Variants in CDH2 observed in about 807,000 individuals in gnomAD.
CDH2 encodes the protein cadherin-2.
A neutral mutation model predicts 92.0 loss-of-function variants in CDH2; 17 were observed. The ratio of observed to expected loss-of-function variants is 0.18; its 90% CI spans 0.13 to 0.28. CDH2 has a LOEUF of 0.28. CDH2 is among the 10% of genes least tolerant of loss of function. The pLI, the probability that CDH2 is intolerant of heterozygous loss-of-function variation, is 1.00. For synonymous variants in CDH2, 419 were observed against 415.9 expected, an observed-to-expected ratio of 1.01 and a Z score of -0.09; for missense variants, 862 against 1,133.1, an observed-to-expected ratio of 0.76 and a Z score of 3.44.
At chr18:28,043,188 T>A (rs2013982959) in intron 2 of CDH2, among the ~76,000 whole-genome samples, 1 of 151,908 alleles carries the variant, frequency 6.6e-6, no homozygotes, top group Non-Finnish European at 1.5e-5. Context: ...CTAAGTGAGG[T>A]AACTCAGGAA....
rs115647775 is a variant in CDH2 at position 27,972,213 on chromosome 18, G to A, written c.2350-8692C>T. Among the ~76,000 whole-genome samples, 1,070 of 152,008 alleles carry A rather than the reference G, an allele frequency of 7.0e-3. 12 individuals are homozygous for A. The highest frequency in any genetic ancestry group is 0.024 in the African/African-American group (1,013 of 41,462). ...GATTGCTTCTCCAGATTTTAACTTT[G>A]TTAATGTCAAAATGGGTCCAATTCT... On this transcript the variant is annotated intron_variant, in intron 14 of 15. Coordinates refer to ENST00000269141, the MANE Select transcript of CDH2 (RefSeq NM_001792.5).
At chr18:28,098,955 T>C (rs185176300) in intron 2 of CDH2, among the ~76,000 whole-genome samples, 24 of 152,268 alleles carry the variant, frequency 1.6e-4, no homozygotes, top group African/African-American at 5.3e-4. Flanking sequence ...GAAGAGTGAC[T>C]GTATATATAC....
rs184767013 is a variant in CDH2, at chr18:28,081,403, T to A, written c.172+66270A>T. ...TTGAAAGCCTGAGAAAATCCATTTTTAAAAAAACAGACTGATAGCTAGACA... is the reference window on the plus strand; with the variant it reads ...TTGAAAGCCTGAGAAAATCCATTTTAAAAAAAACAGACTGATAGCTAGACA... On this transcript the variant is annotated intron_variant, in intron 2 of 15. Coordinates refer to ENST00000269141, the MANE Select transcript of CDH2 (RefSeq NM_001792.5). Among the ~76,000 whole-genome samples the A allele has an allele frequency of 9.1e-4, 139 of 152,196 alleles. 4 individuals carry two copies. The East Asian group carries it at 0.022, about 24-fold the overall frequency.
At chr18:27,990,068 AC>A (rs774875939) in intron 10 of CDH2, 28 bp downstream of exon 10, 42 of 1,604,076 alleles carry the variant, frequency 2.6e-5, no homozygotes, top group Non-Finnish European at 3.5e-5. Context: ...TAAGTAAGCT[AC>A]AAAAACACTA....
intron 2 of CDH2, among the ~76,000 whole-genome samples, chr18:28,026,650 A>G (rs1279244344): frequency 1.3e-5 from 2 of 152,176 alleles, no homozygotes; most frequent in South Asian, 4.1e-4. Context: ...GCTGTCCAAC[A>G]GAAAAACAAT....
At chr18:28,040,192 C>G (rs2013922200) in intron 2 of CDH2, among the ~76,000 whole-genome samples, 1 of 152,116 alleles carries the variant, frequency 6.6e-6, no homozygotes. Flanking sequence ...GGGGTCCTAA[C>G]CACTCACTTT....
intron 2 of CDH2, among the ~76,000 whole-genome samples, chr18:28,047,174 G>A (rs1055580965): frequency 2.6e-5 from 4 of 152,078 alleles, no homozygotes; most frequent in African/African-American, 9.7e-5. Context: ...TAGCTGTAGA[G>A]AAGCAACTAA....
intron 2 of CDH2, among the ~76,000 whole-genome samples, chr18:28,135,676 A>G (rs2015849875): frequency 6.6e-6 from 1 of 152,262 alleles, no homozygotes; most frequent in Non-Finnish European, 1.5e-5. Flanking sequence ...ATGCCATACC[A>G]GATCTCAGTG....
chr18:27,941,295 A>G (rs1909134669), intron 6 of CDH2, among the ~76,000 whole-genome samples: 2 of 152,074 alleles, frequency 1.3e-5, no homozygotes, highest in African/African-American at 4.8e-5. Context: ...TCGGCCTCCT[A>G]AAGTGCTGGG....
At chr18:28,158,962 A>C (rs2016263991) in intron 1 of CDH2, among the ~76,000 whole-genome samples, 1 of 152,348 alleles carries the variant, frequency 6.6e-6, no homozygotes, top group Middle Eastern at 3.4e-3. Context: ...AACTGGTTTA[A>C]TATTTTAAGT....
rs2013837911 is a variant in CDH2, at chr18:28,036,662, C to T, written c.173-22753G>A. 15 of 744,532 alleles carry T rather than the reference C, an allele frequency of 2.0e-5. No homozygotes were observed. The East Asian group carries it at 3.7e-4, about 18-fold the overall frequency. 46.1% of individuals were successfully genotyped at this position (744,532 alleles called of 1,614,324 possible). ...TTTTGAGCTGACGGAAATGCCGATGCAGCTTTTTATAACTGGAATACTGAC... is the reference window on the plus strand; with the variant it reads ...TTTTGAGCTGACGGAAATGCCGATGTAGCTTTTTATAACTGGAATACTGAC... On this transcript the variant is annotated intron_variant, in intron 2 of 15. Coordinates refer to ENST00000269141, the MANE Select transcript of CDH2 (RefSeq NM_001792.5).
chr18:28,072,429 C>T (rs981834778), intron 2 of CDH2, among the ~76,000 whole-genome samples: 2 of 152,170 alleles, frequency 1.3e-5, no homozygotes, highest in South Asian at 4.1e-4. Flanking sequence ...GCCTACTCAA[C>T]CCGGAAGATC....
chr18:27,955,269 T>C (rs1909649970), intron 15 of CDH2, among the ~76,000 whole-genome samples: 1 of 151,094 alleles, frequency 6.6e-6, no homozygotes. Flanking sequence ...CTAATGTAGA[T>C]GATGGGTTGA....
intron 2 of CDH2, among the ~76,000 whole-genome samples, chr18:28,136,888 T>C (rs1345096705): frequency 6.6e-6 from 1 of 152,160 alleles, no homozygotes; most frequent in Non-Finnish European, 1.5e-5. Flanking sequence ...AAACTCTGGA[T>C]TGGGGCTCAG....
intron 2 of CDH2, among the ~76,000 whole-genome samples, chr18:28,046,407 G>A (rs544155374): frequency 6.6e-6 from 1 of 152,230 alleles, no homozygotes; most frequent in African/African-American, 2.4e-5. Flanking sequence ...AATGTTGATA[G>A]TTATGCTATA....
chr18:28,166,652 T>C (rs1196067222), intron 1 of CDH2, among the ~76,000 whole-genome samples: 1 of 152,130 alleles, frequency 6.6e-6, no homozygotes, highest in Admixed American at 6.5e-5. Flanking sequence ...ACAAATTATC[T>C]ATCAATAAGC....
At chr18:27,986,498 T>C (rs1023864477) in intron 11 of CDH2, among the ~76,000 whole-genome samples, 6 of 152,180 alleles carry the variant, frequency 3.9e-5, no homozygotes, top group African/African-American at 1.4e-4. Flanking sequence ...TATAATAAAA[T>C]GCTGTCTCCA....
chr18:28,073,079 G>A (rs2014651483), intron 2 of CDH2, among the ~76,000 whole-genome samples: 1 of 151,902 alleles, frequency 6.6e-6, no homozygotes, highest in Non-Finnish European at 1.5e-5. Context: ...TTTTATAGAT[G>A]CACATAATAC....
At chr18:28,112,709 A>G (rs1364213773) in intron 2 of CDH2, among the ~76,000 whole-genome samples, 1 of 152,138 alleles carries the variant, frequency 6.6e-6, no homozygotes. Flanking sequence ...GAGAAAAACA[A>G]CAACAACAAC....
Sources: gnomAD v4.1 joint callset for allele counts (sites outside exome capture counted in the v4.1 genomes callset) on GRCh38, gnomAD v4.1.1 for gene constraint, MANE v1.5 for transcripts, NCBI Gene and HGNC (gene_info 2026-07-23, HGNC 2026-07-21) for gene names.